Variants in ALPK2 observed in about 807,000 individuals in gnomAD.
ALPK2 encodes alpha kinase 2.
In ALPK2, 127 loss-of-function variants were observed where a neutral mutation model predicts 163.1. The observed-to-expected ratio is 0.78, with a 90% CI of 0.67 to 0.90. ALPK2 has a LOEUF of 0.90. Ranked by LOEUF, ALPK2 falls within the 40% of genes least tolerant of loss-of-function variation. The pLI is 0.00. For synonymous variants in ALPK2, 953 were observed against 959.1 expected, an observed-to-expected ratio of 0.99 and a Z score of 0.12; for missense variants, 2,360 against 2,589.6, an observed-to-expected ratio of 0.91 and a Z score of 1.92.
rs1256784226 is a variant in ALPK2 at position 58,534,828 on chromosome 18, C to A, written c.5353+6G>T. On this transcript the variant is annotated splice_donor_region_variant and intron_variant, in intron 5 of 12. Coordinates refer to ENST00000361673, the MANE Select transcript of ALPK2 (RefSeq NM_052947.4). ...TTAACAATGATGGACAGCAACAGAA[C>A]CTCACCTCTTCCTTCTCTTTTGCAA... is the stretch of plus-strand genomic sequence containing the variant. The A allele has an allele frequency of 6.2e-7, 1 of 1,601,916 alleles. No homozygotes were observed. The highest frequency in any genetic ancestry group is 1.3e-5 in the African/African-American group (1 of 74,264).
At chr18:58,508,453 A>G (rs1469529275) in intron 10 of ALPK2, among the ~76,000 whole-genome samples, 1 of 152,328 alleles carries the variant, frequency 6.6e-6, no homozygotes, top group South Asian at 2.1e-4. Flanking sequence ...CACAGGATAG[A>G]TAGGAGGTTA....
rs13313701 is a variant in ALPK2, at chr18:58,618,363, A to T, written c.-20-6546T>A. Among the ~76,000 whole-genome samples, 1,387 of 152,276 alleles carry T rather than the reference A, an allele frequency of 9.1e-3. 14 individuals are homozygous for T. Among genetic ancestry groups the T allele is most frequent in the Non-Finnish European group, 0.011 (782 of 68,006 alleles). ...CGCCTGGCCTACATATCACATTTTA[A>T]TAGCTACTCTAAAATGGGCAGGACC... On this transcript the variant is annotated intron_variant, in intron 1 of 12. Coordinates refer to ENST00000361673, the MANE Select transcript of ALPK2 (RefSeq NM_052947.4).
intron 3 of ALPK2, among the ~76,000 whole-genome samples, chr18:58,586,504 T>C (rs897933914): frequency 2.6e-5 from 4 of 152,182 alleles, no homozygotes; most frequent in African/African-American, 9.7e-5. Flanking sequence ...CCTAGTTCTA[T>C]TCCCCCATAA....
chr18:58,581,914 T>G (rs1878100775), intron 3 of ALPK2, among the ~76,000 whole-genome samples: 1 of 152,216 alleles, frequency 6.6e-6, no homozygotes, highest in Admixed American at 6.5e-5. Flanking sequence ...TGGTCATCCT[T>G]TCTCTTCCCC....
In ALPK2 at chr18:58,536,101, T is replaced by C; in HGVS notation, c.4086A>G (p.Glu1362=). The C allele has an allele frequency of 6.2e-7, 1 of 1,614,176 alleles. No homozygotes were observed. The highest frequency in any genetic ancestry group is 8.5e-7 in the Non-Finnish European group (1 of 1,180,034). Residue 1362 remains glutamate (E), a synonymous_variant, in exon 5 of 13, where the codon GAA becomes GAG. Transcript: ENST00000361673. The part of the protein sequence containing the change: ...SVTDSLSAAS[E]TGGKENVNNV... ...TGTTAACATTTTCCTTCCCTCCAGT[T>C]TCAGAAGCCGCTGACAGTGAATCTG...
At chr18:58,549,029 C>T (rs759674392) in intron 4 of ALPK2, among the ~76,000 whole-genome samples, 1 of 152,176 alleles carries the variant, frequency 6.6e-6, no homozygotes, top group Non-Finnish European at 1.5e-5. Context: ...TTCTACTAAA[C>T]TAAATCTCTT....
Position 58,589,760 on chromosome 18 carries a change from T to C in ALPK2, c.228-9212A>G, listed in dbSNP as rs73447241. ...GCAAAAATAAAAATAAAATCAGTAA[T>C]CTTGTGTGGCCTGAAAAATGGATAA... On this transcript the variant is annotated intron_variant, in intron 3 of 12. Coordinates refer to ENST00000361673, the MANE Select transcript of ALPK2 (RefSeq NM_052947.4). 7.1e-3 allele frequency among the ~76,000 whole-genome samples: 1,078 copies of C among 152,258 alleles called. 19 individuals carry two copies. Among genetic ancestry groups the C allele is most frequent in the African/African-American group, 0.025 (1,022 of 41,518 alleles).
chr18:58,578,733 G>GACACACACACGCGCGCACGCGCGCGCGC (rs777103869), intron 4 of ALPK2, 81 bp downstream of exon 4: 11 of 533,294 alleles, frequency 2.1e-5, no homozygotes, highest in Admixed American at 6.8e-5. Flanking sequence ...TAAAGGAAGA[G>GACACACACACGCGCGCACGCGCGCGCGC]ACACACACAC....
intron 12 of ALPK2, among the ~76,000 whole-genome samples, chr18:58,487,568 A>G (rs2051346020): frequency 6.6e-6 from 1 of 152,240 alleles, no homozygotes; most frequent in African/African-American, 2.4e-5. Context: ...TCTTTTTCAA[A>G]TATTTTCATT....
At position 58,579,030 on chromosome 18, in the gene ALPK2, C is replaced by T; in HGVS notation, c.1746G>A (p.Glu582=). Residue 582 remains glutamate, a synonymous_variant, in exon 4 of 13, where the codon GAG becomes GAA. Coordinates refer to ENST00000361673, the MANE Select transcript of ALPK2 (RefSeq NM_052947.4). ...TCGCTGCTGCTGTGGTGTGAGAAGT[C>T]TCTCTTTTATCACTCTGGGTTAGTG... ...EPPLTQSDKR[E]TSHTTAAATG... 1 of 1,614,172 alleles carries T rather than the reference C, an allele frequency of 6.2e-7. No homozygotes were observed. The highest frequency in any genetic ancestry group is 8.5e-7 in the Non-Finnish European group (1 of 1,180,018).
At chr18:58,570,131 A>C (rs1328233561) in intron 4 of ALPK2, among the ~76,000 whole-genome samples, 4 of 16,504 alleles carry the variant, frequency 2.4e-4, no homozygotes, top group African/African-American at 1.1e-3. Flanking sequence ...CTCCGTCTCA[A>C]AAAAAAAAAA....
Position 58,557,370 on chromosome 18 carries a change from C to T in ALPK2, c.1963-19146G>A, listed in dbSNP as rs557491651. Among the ~76,000 whole-genome samples the T allele has an allele frequency of 9.8e-5, 11 of 112,438 alleles. No individual in the cohort carries two copies. The East Asian group carries it at 1.5e-3, about 15-fold the overall frequency. 73.8% of individuals were successfully genotyped at this position (112,438 alleles called of 152,430 possible). On this transcript the variant is annotated intron_variant, in intron 4 of 12. Transcript: ENST00000361673. Reference sequence around the variant, plus strand: ...GGCGTGTCATTAGACATCGTCCAAACCCACAGAATGGGCACCACCGAGAGG... The same window carrying T: ...GGCGTGTCATTAGACATCGTCCAAATCCACAGAATGGGCACCACCGAGAGG...
chr18:58,547,220 A>G (rs917874575), intron 4 of ALPK2, among the ~76,000 whole-genome samples: 3 of 152,170 alleles, frequency 2.0e-5, no homozygotes, highest in East Asian at 1.9e-4. Context: ...CTCATTTGCA[A>G]TCAGAGGTTC....
chr18:58,529,136 ATAG>A lies in ALPK2; in HGVS notation c.5453_5455del (p.Thr1818del), dbSNP rs763766034. ...GGACTTTGAATCTTTTGTCCAGCAG[ATAG>A]TAGAATCTTCATGAATTTCTGCAAA... On this transcript the variant is annotated inframe_deletion, in exon 6 of 13. Transcript: ENST00000361673. 436 of 1,614,126 alleles carry A rather than the reference ATAG, an allele frequency of 2.7e-4. No homozygotes were observed. The highest frequency in any genetic ancestry group is 3.2e-4 in the Non-Finnish European group (375 of 1,179,980).
intron 4 of ALPK2, among the ~76,000 whole-genome samples, chr18:58,576,323 G>A (rs1006154438): frequency 3.3e-5 from 5 of 152,140 alleles, no homozygotes; most frequent in African/African-American, 9.7e-5. Context: ...GCAGTGAGCC[G>A]AGATCGTACC....
At chr18:58,621,596 A>G (rs2052200710) in intron 1 of ALPK2, among the ~76,000 whole-genome samples, 1 of 113,180 alleles carries the variant, frequency 8.8e-6, no homozygotes, top group Non-Finnish European at 2.3e-5. Context: ...ATGGGCAAAG[A>G]AGAAGGAGGA....
Position 58,579,494 on chromosome 18 carries a change from C to T in ALPK2, c.1282G>A (p.Gly428Arg). The change falls in exon 4 of 13, where the codon GGG (glycine) becomes AGG (arginine). Residue 428 changes from glycine to arginine, a missense_variant. Coordinates refer to ENST00000361673, the MANE Select transcript of ALPK2 (RefSeq NM_052947.4). ...TGAGGTCCCAAAATGAGAGTCATCC[C>T]TGTTTGTGGGGATGAGGGACCGTGC... ...SKHGPSSPQT[G>R]MTLILGPHQD... is the part of the protein sequence containing the mutation. 6.2e-7 allele frequency: 1 copy of T among 1,614,052 alleles called. No individual in the cohort carries two copies. Among genetic ancestry groups the T allele is most frequent in the Non-Finnish European group, 8.5e-7 (1 of 1,180,014 alleles).
At position 58,536,867 on chromosome 18, in the gene ALPK2, G is replaced by C. The variant is rs889130829; in HGVS notation, c.3320C>G (p.Ser1107Cys). The change falls in exon 5 of 13, where the codon TCT (serine) becomes TGT (cysteine). Residue 1107 changes from serine to cysteine, a missense_variant. By Grantham distance (112) the Ser-to-Cys change is moderately radical. Transcript: ENST00000361673. ...SNSPLQVDNL[S>C]GDKSQTVDRA... ...GTCCACAGTCTGGCTCTTATCTCCA[G>C]ACAGGTTATCAACCTGAAGAGGGGA... is the stretch of plus-strand genomic sequence containing the variant. 6.2e-7 allele frequency: 1 copy of C among 1,614,144 alleles called. No individual in the cohort carries two copies. Among genetic ancestry groups the C allele is most frequent in the Non-Finnish European group, 8.5e-7 (1 of 1,180,030 alleles).
intron 4 of ALPK2, among the ~76,000 whole-genome samples, chr18:58,576,321 C>A (rs2051921569): frequency 6.6e-6 from 1 of 152,076 alleles, no homozygotes; most frequent in Non-Finnish European, 1.5e-5. Context: ...TTGCAGTGAG[C>A]CGAGATCGTA....
Sources: allele counts gnomAD v4.1 joint callset (sites outside exome capture counted in the v4.1 genomes callset), GRCh38; gene constraint gnomAD v4.1.1; transcripts MANE v1.5; gene names NCBI Gene and HGNC (gene_info 2026-07-23, HGNC 2026-07-21).